The following KCNH7 variants were observed in gnomAD, a reference collection of about 807,000 sequenced individuals.
KCNH7 encodes voltage-gated inwardly rectifying potassium channel KCNH7.
Under a neutral mutation model 120.8 loss-of-function variants are expected in KCNH7, and 49 were observed. The ratio of observed to expected loss-of-function variants is 0.41; its 90% CI spans 0.32 to 0.51. KCNH7 has a LOEUF of 0.51. KCNH7 is among the 20% of genes least tolerant of loss of function. KCNH7 has a pLI of 0.38. For synonymous variants in KCNH7, 547 were observed against 516.1 expected (o/e 1.06, Z -0.81); for missense variants, 1,097 against 1,446.6 (o/e 0.76, Z 3.92).
At chr2:162,507,525 C>A (rs1293203601) in intron 5 of KCNH7, among the ~76,000 whole-genome samples, 1 of 151,610 alleles carries the variant, frequency 6.6e-6, no homozygotes, top group African/African-American at 2.4e-5. Context: ...TATAATGTCT[C>A]AATTGCCATT....
chr2:162,616,104 G>T (rs1475659509), intron 2 of KCNH7, among the ~76,000 whole-genome samples: 1 of 152,168 alleles, frequency 6.6e-6, no homozygotes. Flanking sequence ...TTGTGTACAG[G>T]TTATGACAGG....
At chr2:162,424,819 G>T (rs1687808428) in intron 8 of KCNH7, among the ~76,000 whole-genome samples, 1 of 152,168 alleles carries the variant, frequency 6.6e-6, no homozygotes, top group African/African-American at 2.4e-5. Flanking sequence ...AGGGAAAGCA[G>T]TGACCCCTTG....
chr2:162,512,558 A>T, intron 5 of KCNH7, 96 bp downstream of exon 5: 1 of 1,020,988 alleles, frequency 9.8e-7, no homozygotes, highest in East Asian at 2.4e-5. Flanking sequence ...CAGCATGAAG[A>T]TGTTGCACTG....
intron 2 of KCNH7, among the ~76,000 whole-genome samples, chr2:162,646,974 G>A (rs972696194): frequency 3.9e-5 from 6 of 152,128 alleles, no homozygotes; most frequent in Non-Finnish European, 8.8e-5. Flanking sequence ...AACCTGATCT[G>A]ATAACCTTGT....
At chr2:162,754,749 T>A (rs868031683) in intron 2 of KCNH7, among the ~76,000 whole-genome samples, 18 of 152,276 alleles carry the variant, frequency 1.2e-4, no homozygotes, top group Middle Eastern at 3.4e-3. Flanking sequence ...CAGGAAGTAA[T>A]GTCCTTAAAT....
intron 6 of KCNH7, among the ~76,000 whole-genome samples, chr2:162,459,416 G>A (rs1689077509): frequency 6.6e-6 from 1 of 152,172 alleles, no homozygotes; most frequent in African/African-American, 2.4e-5. Context: ...CTAAAGTGTA[G>A]TTATTGCTAG....
chr2:162,607,696 G>T (rs922798352), intron 2 of KCNH7, among the ~76,000 whole-genome samples: 2 of 151,984 alleles, frequency 1.3e-5, no homozygotes, highest in Non-Finnish European at 2.9e-5. Context: ...TTTATTAACA[G>T]TTAATATTTC....
At chr2:162,773,956 A>G (rs958608423) in intron 2 of KCNH7, among the ~76,000 whole-genome samples, 12 of 152,184 alleles carry the variant, frequency 7.9e-5, no homozygotes, top group Admixed American at 2.0e-4. Flanking sequence ...ACTCATACTT[A>G]GTATTTTATG....
rs1225066014 is a variant in KCNH7, at chr2:162,423,369, T to C, written c.2121A>G (p.Ala707=). 15 of 1,614,016 alleles carry C rather than the reference T, an allele frequency of 9.3e-6. No individual in the cohort carries two copies. The highest frequency in any genetic ancestry group is 1.2e-5 in the Non-Finnish European group (14 of 1,179,974). The change falls in exon 9 of 16, where the codon GCA becomes GCG. Residue 707 remains alanine (A), a synonymous_variant. Coordinates refer to ENST00000332142, the MANE Select transcript of KCNH7 (RefSeq NM_033272.4). ...TGTCAATGCCATTGGTGTAAGTCCA[T>C]GCGTGCTGGAAATATTCTTCAAGAC... The part of the protein sequence containing the change: ...RQRLEEYFQH[A]WTYTNGIDMN...
intron 2 of KCNH7, among the ~76,000 whole-genome samples, chr2:162,696,713 T>C (rs1055358258): frequency 1.3e-5 from 2 of 152,084 alleles, no homozygotes; most frequent in African/African-American, 4.8e-5. Context: ...AGTAATCTTA[T>C]CATATCAGTT....
intron 2 of KCNH7, among the ~76,000 whole-genome samples, chr2:162,692,942 A>C (rs989146042): frequency 7.3e-5 from 11 of 150,554 alleles, no homozygotes; most frequent in Admixed American, 5.3e-4. Flanking sequence ...TAAATAATCA[A>C]GACAAAAAAA....
chr2:162,414,477 A>G (rs1279384340), intron 9 of KCNH7, among the ~76,000 whole-genome samples: 4 of 151,562 alleles, frequency 2.6e-5, no homozygotes, highest in Admixed American at 6.6e-5. Flanking sequence ...ATAAACTACT[A>G]TGGAATGTAC....
At chr2:162,772,157 T>A (rs1283481872) in intron 2 of KCNH7, among the ~76,000 whole-genome samples, 1 of 152,200 alleles carries the variant, frequency 6.6e-6, no homozygotes, top group Non-Finnish European at 1.5e-5. Flanking sequence ...GTAGTTAGAT[T>A]TTCTGTTATC....
At chr2:162,638,920 T>C (rs1256331590) in intron 2 of KCNH7, among the ~76,000 whole-genome samples, 1 of 152,142 alleles carries the variant, frequency 6.6e-6, no homozygotes, top group Non-Finnish European at 1.5e-5. Flanking sequence ...TCTATCCATA[T>C]AAATCAGGTT....
At chr2:162,412,591 G>A (rs1687422758) in intron 9 of KCNH7, among the ~76,000 whole-genome samples, 1 of 152,154 alleles carries the variant, frequency 6.6e-6, no homozygotes, top group Non-Finnish European at 1.5e-5. Context: ...GGCAAACACA[G>A]TAAGGGCACT....
intron 2 of KCNH7, among the ~76,000 whole-genome samples, chr2:162,660,009 T>C (rs1684904754): frequency 6.6e-6 from 1 of 152,142 alleles, no homozygotes; most frequent in East Asian, 1.9e-4. Context: ...AATTTGTGTT[T>C]TCTGTTTTTA....
Position 162,487,252 on chromosome 2 carries a change from GA to G in KCNH7, c.1128+17190del, listed in dbSNP as rs1690127893. On this transcript the variant is annotated intron_variant, in intron 6 of 15. Transcript: ENST00000332142. ...TTAATCATTAAGAAATCTACAGAAA[GA>G]GACATAACTTGCAATAGCAATTAAA... Among the ~76,000 whole-genome samples, 2 of 152,132 alleles carry G rather than the reference GA, an allele frequency of 1.3e-5. 1 individual carries two copies. Among genetic ancestry groups the G allele is most frequent in the South Asian group, 4.1e-4 (2 of 4,834 alleles).
In KCNH7 at chr2:162,396,736, A is replaced by G; in HGVS notation, c.2613+4T>C. 6.3e-7 allele frequency: 1 copy of G among 1,598,804 alleles called. No individual in the cohort carries two copies. On this transcript the variant is annotated splice_donor_region_variant and intron_variant, in intron 11 of 15. Transcript: ENST00000332142. ...ACAGACATAAGCAAACAGTTAACAT[A>G]TACCTTTGCGCTCTCATGCCTTAGG...
At chr2:162,738,411 T>C (rs185076311) in intron 2 of KCNH7, among the ~76,000 whole-genome samples, 1 of 152,258 alleles carries the variant, frequency 6.6e-6, no homozygotes, top group Admixed American at 6.5e-5. Flanking sequence ...ATTAAGATCG[T>C]CACTGCCCTA....
Sources: allele counts gnomAD v4.1 joint callset (sites outside exome capture counted in the v4.1 genomes callset), GRCh38; gene constraint gnomAD v4.1.1; transcripts MANE v1.5; gene names NCBI Gene and HGNC (gene_info 2026-07-23, HGNC 2026-07-21).